Variants in NOS1AP observed in about 807,000 individuals in gnomAD.
NOS1AP encodes nitric oxide synthase 1 adaptor protein.
Under a neutral mutation model 56.2 loss-of-function variants are expected in NOS1AP, and 21 were observed. That is an observed-to-expected ratio of 0.37 (90% CI 0.26 to 0.54). The LOEUF is 0.54. NOS1AP is among the 20% of genes least tolerant of loss of function. The pLI is 0.84. For missense variants in NOS1AP, 522 were observed against 657.8 expected (o/e 0.79, Z 2.26); for synonymous variants, 270 against 274.6 (o/e 0.98, Z 0.17).
chr1:162,077,235 T>TGATG (rs1691789108), intron 1 of NOS1AP, among the ~76,000 whole-genome samples: 1 of 152,222 alleles, frequency 6.6e-6, no homozygotes, highest in Middle Eastern at 3.2e-3. Context: ...TTGTCTGACT[T>TGATG]TTTGATTCTA....
intron 5 of NOS1AP, among the ~76,000 whole-genome samples, chr1:162,334,576 C>T (rs1394236160): frequency 1.3e-5 from 2 of 152,098 alleles, no homozygotes; most frequent in Non-Finnish European, 2.9e-5. Context: ...TGAATTGGCT[C>T]GTCTGTAAGG....
intron 2 of NOS1AP, among the ~76,000 whole-genome samples, chr1:162,184,558 G>A (rs1032763992): frequency 3.9e-5 from 6 of 152,202 alleles, no homozygotes; most frequent in African/African-American, 1.2e-4. Flanking sequence ...TGTTACTGCT[G>A]AGAAAACTGT....
Position 162,319,783 on chromosome 1 carries a change from C to T in NOS1AP, c.345-13234C>T, listed in dbSNP as rs182229343. ...GGAAACTGCTCCCTGCCCTGCCTCT[C>T]TGGACTTGGGGTGCTGAGGGCTCCC... On this transcript the variant is annotated intron_variant, in intron 4 of 9. Transcript: ENST00000361897. 2.3e-3 allele frequency among the ~76,000 whole-genome samples: 349 copies of T among 152,302 alleles called. 2 individuals carry two copies. Among genetic ancestry groups the T allele is most frequent in the African/African-American group, 7.9e-3 (329 of 41,576 alleles).
intron 1 of NOS1AP, among the ~76,000 whole-genome samples, chr1:162,143,866 T>G (rs1040575433): frequency 2.6e-5 from 4 of 152,124 alleles, no homozygotes; most frequent in Admixed American, 2.6e-4. Flanking sequence ...TACTTAGAAT[T>G]TAGGAGGTGT....
At chr1:162,212,110 C>T (rs1308660822) in intron 2 of NOS1AP, among the ~76,000 whole-genome samples, 3 of 152,164 alleles carry the variant, frequency 2.0e-5, no homozygotes, top group Non-Finnish European at 4.4e-5. Context: ...AGTTTTCCTC[C>T]CTCGGGTTGC....
At chr1:162,130,393 G>T (rs1019201710) in intron 1 of NOS1AP, among the ~76,000 whole-genome samples, 22 of 152,338 alleles carry the variant, frequency 1.4e-4, no homozygotes, top group African/African-American at 4.8e-4. Context: ...CAATTGTGGT[G>T]CTTTGCACCT....
At chr1:162,295,227 AAAT>A in intron 3 of NOS1AP, among the ~76,000 whole-genome samples, 1 of 152,178 alleles carries the variant, frequency 6.6e-6, no homozygotes, top group Non-Finnish European at 1.5e-5. Context: ...TCTGAACTGA[AAAT>A]GTCCTCATTT....
At chr1:162,289,286 C>T (rs1655206130) in intron 3 of NOS1AP, among the ~76,000 whole-genome samples, 1 of 116,160 alleles carries the variant, frequency 8.6e-6, no homozygotes, top group African/African-American at 3.5e-5. Flanking sequence ...CCTTTCCTTC[C>T]TTCCTTCTTC....
chr1:162,187,864 T>A (rs1361033), intron 2 of NOS1AP, among the ~76,000 whole-genome samples: 5,351 of 152,314 alleles, frequency 0.035, 135 homozygotes, highest in Non-Finnish European at 0.049. Flanking sequence ...TGCCATGTGA[T>A]GTGCTGGGCA....
chr1:162,235,654 G>T (rs1251174673), intron 2 of NOS1AP, among the ~76,000 whole-genome samples: 1 of 152,122 alleles, frequency 6.6e-6, no homozygotes, highest in Non-Finnish European at 1.5e-5. Flanking sequence ...AACCAGGCCT[G>T]TGTACGTGGT....
chr1:162,202,729 A>G (rs2102168357), intron 2 of NOS1AP, among the ~76,000 whole-genome samples: 1 of 152,368 alleles, frequency 6.6e-6, no homozygotes, highest in Non-Finnish European at 1.5e-5. Context: ...ATATGTATAT[A>G]TAGTTTTACA....
At chr1:162,316,313 A>G (rs1656226553) in intron 4 of NOS1AP, among the ~76,000 whole-genome samples, 1 of 152,230 alleles carries the variant, frequency 6.6e-6, no homozygotes. Context: ...ACTGAGAAAC[A>G]AGAAGTCGAA....
chr1:162,248,777 C>A (rs561644706), intron 2 of NOS1AP, among the ~76,000 whole-genome samples: 1 of 152,300 alleles, frequency 6.6e-6, no homozygotes, highest in Non-Finnish European at 1.5e-5. Flanking sequence ...CATAAACATT[C>A]ATGTCCCTAA....
chr1:162,104,842 T>TAC (rs1647435305), intron 1 of NOS1AP, among the ~76,000 whole-genome samples: 1 of 152,214 alleles, frequency 6.6e-6, no homozygotes. Flanking sequence ...ATGCATTGAG[T>TAC]AACAATATGT....
At chr1:162,249,894 G>A (rs1181152975) in intron 2 of NOS1AP, among the ~76,000 whole-genome samples, 2 of 152,210 alleles carry the variant, frequency 1.3e-5, no homozygotes, top group African/African-American at 2.4e-5. Flanking sequence ...CTGAAGAAGT[G>A]ATAGATGAGT....
At chr1:162,085,691 A>G (rs1417423246) in intron 1 of NOS1AP, among the ~76,000 whole-genome samples, 3 of 152,194 alleles carry the variant, frequency 2.0e-5, no homozygotes, top group Non-Finnish European at 4.4e-5. Flanking sequence ...TTTATTGTGC[A>G]TCTACCATAT....
intron 2 of NOS1AP, among the ~76,000 whole-genome samples, chr1:162,234,398 A>G (rs573803678): frequency 9.8e-4 from 149 of 152,294 alleles, no homozygotes; most frequent in Non-Finnish European, 1.8e-3. Flanking sequence ...GGAGTTTTAG[A>G]TCAGGGAATG....
chr1:162,169,332 G>A (rs941485177), intron 2 of NOS1AP, among the ~76,000 whole-genome samples: 1 of 152,142 alleles, frequency 6.6e-6, no homozygotes, highest in Admixed American at 6.5e-5. Flanking sequence ...CATTTAGTAG[G>A]GATGACACTT....
intron 2 of NOS1AP, among the ~76,000 whole-genome samples, chr1:162,184,588 A>G (rs903538489): frequency 2.0e-5 from 3 of 152,184 alleles, no homozygotes; most frequent in African/African-American, 7.2e-5. Context: ...GGATTATTGC[A>G]TCTGGTATGT....
Sources: allele counts gnomAD v4.1 joint callset (sites outside exome capture counted in the v4.1 genomes callset), GRCh38; gene constraint gnomAD v4.1.1; transcripts MANE v1.5; gene names NCBI Gene and HGNC (gene_info 2026-07-23, HGNC 2026-07-21).